The following SMURF2 variants were observed in gnomAD, a reference collection of about 807,000 sequenced individuals.
The protein encoded by SMURF2 is SMAD specific E3 ubiquitin protein ligase 2, also known as E3 ubiquitin-protein ligase SMURF2.
SMURF2 carries 48 observed loss-of-function variants against 109.6 expected under a neutral mutation model. The ratio of observed to expected loss-of-function variants is 0.44; its 90% CI spans 0.35 to 0.56. SMURF2 has a LOEUF of 0.56. SMURF2 is among the 20% of genes least tolerant of loss of function. The pLI, the probability that SMURF2 is intolerant of heterozygous loss-of-function variation, is 0.01. For synonymous variants in SMURF2, 288 were observed against 317.1 expected, an observed-to-expected ratio of 0.91 and a Z score of 0.97; for missense variants, 575 against 909.0, an observed-to-expected ratio of 0.63 and a Z score of 4.72.
At chr17:64,584,242 G>A (rs1358594392) in intron 6 of SMURF2, among the ~76,000 whole-genome samples, 4 of 150,376 alleles carry the variant, frequency 2.7e-5, no homozygotes, top group Non-Finnish European at 3.0e-5. Flanking sequence ...TGCTTGAACC[G>A]GGGAGGCGGA....
intron 1 of SMURF2, among the ~76,000 whole-genome samples, chr17:64,656,162 C>A (rs1288700635): frequency 6.6e-6 from 1 of 152,084 alleles, no homozygotes; most frequent in Non-Finnish European, 1.5e-5. Context: ...ATAAGTTCTT[C>A]CAAGTATAGA....
chr17:64,567,178 G>A (rs782406261), intron 10 of SMURF2, among the ~76,000 whole-genome samples: 4 of 152,096 alleles, frequency 2.6e-5, no homozygotes, highest in Non-Finnish European at 5.9e-5. Flanking sequence ...TCATAGCACA[G>A]TAACTTGAAA....
At position 64,555,998 on chromosome 17, in the gene SMURF2, C is replaced by A. The variant is rs782508163; in HGVS notation, c.1432G>T (p.Glu478Ter). 6.2e-7 allele frequency: 1 copy of A among 1,605,024 alleles called. No homozygotes were observed. Among genetic ancestry groups the A allele is most frequent in the Non-Finnish European group, 8.5e-7 (1 of 1,174,748 alleles). Reference protein sequence around the residue: ...QINPDSAVNPEHLSYFHFVGR... With the variant: ...QINPDSAVNP ...ACAAAGTGGAAATAGGATAAATGTTCCTGAAATTGAAAACAGTATATATAC... is the reference window on the plus strand; with the variant it reads ...ACAAAGTGGAAATAGGATAAATGTTACTGAAATTGAAAACAGTATATATAC... Residue 478 changes from glutamate (E) to a stop codon, truncating the protein, a stop_gained and splice_region_variant, in exon 14 of 19, where the codon GAA becomes TAA. Coordinates refer to ENST00000262435, the MANE Select transcript of SMURF2 (RefSeq NM_022739.4). LOFTEE classifies it high-confidence loss of function.
intron 16 of SMURF2, 40 bp downstream of exon 16, chr17:64,551,544 C>T (rs782324902): frequency 3.4e-5 from 54 of 1,593,636 alleles, no homozygotes; most frequent in South Asian, 2.2e-4. Context: ...CCCAATCCTT[C>T]CTTGTTACAC....
In SMURF2 at chr17:64,581,292, A is replaced by G. The variant is rs574191849; in HGVS notation, c.570-301T>C. ...TGGCTTACAAAACACTGCTTGATCT[A>G]GCTATAGCCTCTCCCTCAGACCTGA... On this transcript the variant is annotated intron_variant, in intron 7 of 18. Transcript: ENST00000262435. The surrounding 1 kb of genome is among the most constrained non-coding windows in gnomAD (Gnocchi z 4.3). 3.9e-5 allele frequency among the ~76,000 whole-genome samples: 6 copies of G among 152,284 alleles called. No homozygotes were observed. In the South Asian group the frequency reaches 1.2e-3, roughly 32 times the overall value.
chr17:64,629,717 T>C (rs1367988463), intron 1 of SMURF2, among the ~76,000 whole-genome samples: 4 of 152,134 alleles, frequency 2.6e-5, no homozygotes, highest in Non-Finnish European at 4.4e-5. Flanking sequence ...AATAGATTAG[T>C]GGGAAGAATG....
chr17:64,599,159 C>T (rs1969858947), intron 2 of SMURF2, among the ~76,000 whole-genome samples: 1 of 152,118 alleles, frequency 6.6e-6, no homozygotes, highest in Non-Finnish European at 1.5e-5. Flanking sequence ...TATCCTTAAT[C>T]CTTACAATAA....
chr17:64,651,441 G>A (rs573550014), intron 1 of SMURF2, among the ~76,000 whole-genome samples: 16 of 150,422 alleles, frequency 1.1e-4, no homozygotes, highest in Middle Eastern at 3.5e-3. Flanking sequence ...GCATGGTGGC[G>A]CGCGCCTGTA....
Position 64,545,728 on chromosome 17 carries a change from AAAAAAGG to A in SMURF2, c.*113_*119del. On this transcript the variant is annotated 3_prime_UTR_variant, in exon 19 of 19. Coordinates refer to ENST00000262435, the MANE Select transcript of SMURF2 (RefSeq NM_022739.4). ...GTGTCCTAAAATGTAAAAAAAAAAA[AAAAAAGG>A]GGGGGGGGGGGAGTGTTTTCCTGTA... 6.8e-5 allele frequency: 16 copies of A among 234,852 alleles called. No homozygotes were observed. Among genetic ancestry groups the A allele is most frequent in the Admixed American group, 1.2e-4 (2 of 17,092 alleles). 14.5% of individuals were successfully genotyped at this position (234,852 alleles called of 1,614,324 possible).
At chr17:64,553,758 G>A (rs1598268381) in intron 15 of SMURF2, among the ~76,000 whole-genome samples, 1 of 152,120 alleles carries the variant, frequency 6.6e-6, no homozygotes, top group Non-Finnish European at 1.5e-5. Flanking sequence ...TTCTGCAGAA[G>A]AGCCCTAAAC....
intron 1 of SMURF2, among the ~76,000 whole-genome samples, chr17:64,626,325 A>G (rs1485407521): frequency 2.6e-5 from 4 of 151,846 alleles, no homozygotes; most frequent in Non-Finnish European, 5.9e-5. Context: ...ATGTCCATGC[A>G]GGGTCATATA....
chr17:64,546,176 G>A (rs1968951617), intron 18 of SMURF2, 87 bp downstream of exon 18: 2 of 1,287,050 alleles, frequency 1.6e-6, no homozygotes, highest in Admixed American at 1.8e-5. Context: ...TTTAACACTA[G>A]TAAGTACAAT....
chr17:64,580,723 T>C (rs1321345559), intron 8 of SMURF2, 66 bp downstream of exon 8: 25 of 1,473,198 alleles, frequency 1.7e-5, no homozygotes, highest in Non-Finnish European at 2.2e-5. Flanking sequence ...AAAATATATT[T>C]TCTGACTTCC....
intron 1 of SMURF2, among the ~76,000 whole-genome samples, chr17:64,644,609 A>G (rs113684147): frequency 3.4e-5 from 3 of 87,096 alleles, no homozygotes; most frequent in African/African-American, 4.9e-4. Flanking sequence ...AAAAAAAAAG[A>G]AAAAAAAAAA....
intron 11 of SMURF2, among the ~76,000 whole-genome samples, chr17:64,562,066 G>A (rs1231147194): frequency 7.9e-5 from 12 of 151,854 alleles, no homozygotes; most frequent in African/African-American, 2.4e-4. Flanking sequence ...AGGCTGAGGC[G>A]GGCATATCAC....
chr17:64,586,080 G>C lies in SMURF2; in HGVS notation c.485+6C>G, dbSNP rs778897250. 5 of 1,595,268 alleles carry C rather than the reference G, an allele frequency of 3.1e-6. No homozygotes were observed. Among genetic ancestry groups the C allele is most frequent in the Non-Finnish European group, 4.3e-6 (5 of 1,167,134 alleles). The stretch of plus-strand genomic sequence containing the variant: ...TTCTCTAATGATTTCAGTGATGTTA[G>C]CTTACCCGTCTGGTAAATCGTTATC... On this transcript the variant is annotated splice_donor_region_variant and intron_variant, in intron 6 of 18. Transcript: ENST00000262435.
At chr17:64,624,465 C>G (rs1442668139) in intron 1 of SMURF2, among the ~76,000 whole-genome samples, 2 of 145,150 alleles carry the variant, frequency 1.4e-5, no homozygotes, top group African/African-American at 5.2e-5. Context: ...TCCCAAGTAG[C>G]TGGGATTACA....
chr17:64,550,682 A>G (rs989456272), intron 16 of SMURF2, among the ~76,000 whole-genome samples: 2 of 149,670 alleles, frequency 1.3e-5, no homozygotes, highest in Non-Finnish European at 3.0e-5. Flanking sequence ...TGGGAGGCTG[A>G]GGCAGGAGAA....
chr17:64,580,713 A>G, intron 8 of SMURF2, 76 bp downstream of exon 8: 1 of 1,431,246 alleles, frequency 7.0e-7, no homozygotes, highest in Non-Finnish European at 9.7e-7. Flanking sequence ...TAACTTTTTC[A>G]AAATATATTT....
Sources: allele counts gnomAD v4.1 joint callset (sites outside exome capture counted in the v4.1 genomes callset), GRCh38; gene constraint gnomAD v4.1.1; non-coding constraint Gnocchi (gnomAD v3.1); transcripts MANE v1.5; gene names NCBI Gene and HGNC (gene_info 2026-07-23, HGNC 2026-07-21).